Variants in PTPRR observed in about 807,000 individuals in gnomAD.
The protein encoded by PTPRR is receptor-type tyrosine-protein phosphatase R.
A neutral mutation model predicts 77.2 loss-of-function variants in PTPRR; 38 were observed. That is an observed-to-expected ratio of 0.49 (90% CI 0.38 to 0.65). The LOEUF is 0.65. PTPRR is among the 30% of genes least tolerant of loss of function. The probability of loss-of-function intolerance (pLI) is 0.00; values close to 1 mark genes in which losing one functional copy is unlikely to be tolerated. For missense variants in PTPRR, 744 were observed against 799.2 expected (o/e 0.93, Z 0.83); for synonymous variants, 299 against 283.1 (o/e 1.06, Z -0.57).
At chr12:70,849,237 T>G (rs1892534851) in intron 2 of PTPRR, among the ~76,000 whole-genome samples, 1 of 151,704 alleles carries the variant, frequency 6.6e-6, no homozygotes, top group South Asian at 2.1e-4. Flanking sequence ...GAGATAAATT[T>G]CTTAGCAAAA....
At chr12:70,896,134 G>C (rs1893423701) in intron 1 of PTPRR, among the ~76,000 whole-genome samples, 1 of 151,472 alleles carries the variant, frequency 6.6e-6, no homozygotes, top group Admixed American at 6.6e-5. Flanking sequence ...AGGATAAAGA[G>C]GGACATTACA....
intron 2 of PTPRR, among the ~76,000 whole-genome samples, chr12:70,826,443 C>T (rs991355639): frequency 6.6e-6 from 1 of 152,132 alleles, no homozygotes. Flanking sequence ...TGCTCCCAAC[C>T]CCTTCTGGGA....
chr12:70,761,647 G>A (rs1334066820), intron 3 of PTPRR, 21 bp from the exon 4 acceptor site: 5 of 1,526,816 alleles, frequency 3.3e-6, no homozygotes, highest in East Asian at 2.3e-5. Context: ...CAGAATATTT[G>A]TATTTGTTAT....
chr12:70,873,122 G>A (rs922689193), intron 2 of PTPRR, among the ~76,000 whole-genome samples: 13 of 152,134 alleles, frequency 8.5e-5, no homozygotes, highest in African/African-American at 3.1e-4. Context: ...ATTTCTTGGG[G>A]CTATCCACAA....
chr12:70,822,710 A>G (rs1333900458), intron 2 of PTPRR, among the ~76,000 whole-genome samples: 2 of 152,190 alleles, frequency 1.3e-5, no homozygotes, highest in African/African-American at 2.4e-5. Context: ...CATCAATATC[A>G]AGGCAGGGTT....
intron 6 of PTPRR, among the ~76,000 whole-genome samples, chr12:70,714,470 A>G (rs1888946012): frequency 1.3e-5 from 2 of 152,182 alleles, no homozygotes; most frequent in African/African-American, 2.4e-5. Context: ...ATAAAATTTC[A>G]TATAGTTTTG....
intron 7 of PTPRR, among the ~76,000 whole-genome samples, chr12:70,699,423 CAG>C (rs1348444814): frequency 6.6e-6 from 1 of 152,028 alleles, no homozygotes; most frequent in Non-Finnish European, 1.5e-5. Context: ...GCTTGTTCTA[CAG>C]AGAGAAACAG....
intron 12 of PTPRR, 59 bp downstream of exon 12, chr12:70,660,881 T>A: frequency 6.6e-7 from 1 of 1,511,152 alleles, no homozygotes; most frequent in Non-Finnish European, 8.9e-7. Context: ...TTGCACCTGC[T>A]CTGTGACTTT....
chr12:70,868,745 G>T (rs1892905964), intron 2 of PTPRR, among the ~76,000 whole-genome samples: 2 of 151,976 alleles, frequency 1.3e-5, no homozygotes, highest in South Asian at 2.1e-4. Flanking sequence ...CATGTATGTT[G>T]ATTGCAGCAC....
chr12:70,660,795 C>G (rs1459369276), intron 12 of PTPRR, 145 bp downstream of exon 12: 6 of 826,982 alleles, frequency 7.3e-6, no homozygotes, highest in Admixed American at 3.3e-5. Flanking sequence ...GATTCAGACT[C>G]AAATATTACA....
At position 70,864,956 on chromosome 12, in the gene PTPRR, C is replaced by T. The variant is rs191030286; in HGVS notation, c.357+27723G>A. 6.6e-3 allele frequency among the ~76,000 whole-genome samples: 999 copies of T among 152,066 alleles called. 4 individuals are homozygous for T. The highest frequency in any genetic ancestry group is 0.024 in the Middle Eastern group (7 of 294). On this transcript the variant is annotated intron_variant, in intron 2 of 13. Coordinates refer to ENST00000283228, the MANE Select transcript of PTPRR (RefSeq NM_002849.4). The stretch of plus-strand genomic sequence containing the variant: ...CCTCCTGAGTAGCTGGGATTACAGG[C>T]GTGCGTCACCACACCTGGCTAATTT...
intron 2 of PTPRR, among the ~76,000 whole-genome samples, chr12:70,809,970 T>C (rs1359726180): frequency 6.6e-6 from 1 of 152,170 alleles, no homozygotes; most frequent in Non-Finnish European, 1.5e-5. Flanking sequence ...CCACCTTATT[T>C]AGATGGACTT....
At chr12:70,913,855 A>C (rs1308568957) in intron 1 of PTPRR, among the ~76,000 whole-genome samples, 2 of 152,244 alleles carry the variant, frequency 1.3e-5, no homozygotes, top group Non-Finnish European at 2.9e-5. Context: ...AAATATATTT[A>C]ATATATGTAT....
chr12:70,662,656 A>T (rs375036764), intron 10 of PTPRR, 51 bp from the exon 11 acceptor site: 1 of 1,070,934 alleles, frequency 9.3e-7, no homozygotes, highest in Non-Finnish European at 1.4e-6. Flanking sequence ...TTTATTAGCC[A>T]TGGAGTACTT....
chr12:70,910,814 T>C (rs1893688578), intron 1 of PTPRR, among the ~76,000 whole-genome samples: 1 of 152,206 alleles, frequency 6.6e-6, no homozygotes, highest in Admixed American at 6.5e-5. Flanking sequence ...TCATGTGAAT[T>C]GCCCTAGTGA....
intron 6 of PTPRR, among the ~76,000 whole-genome samples, chr12:70,713,794 C>A (rs951353279): frequency 3.3e-5 from 5 of 152,050 alleles, no homozygotes; most frequent in African/African-American, 7.2e-5. Flanking sequence ...GGACACTAGA[C>A]CCTTATTACA....
intron 2 of PTPRR, among the ~76,000 whole-genome samples, chr12:70,871,132 T>A (rs1215574303): frequency 6.6e-6 from 1 of 152,194 alleles, no homozygotes; most frequent in Non-Finnish European, 1.5e-5. Context: ...TAGGCTCTGC[T>A]TGAGGGTGCT....
chr12:70,907,520 G>C (rs2137133077), intron 1 of PTPRR, among the ~76,000 whole-genome samples: 1 of 152,234 alleles, frequency 6.6e-6, no homozygotes, highest in East Asian at 1.9e-4. Flanking sequence ...TCCATTGTCT[G>C]CTATTTGCTG....
intron 10 of PTPRR, among the ~76,000 whole-genome samples, chr12:70,667,877 C>T (rs1253713572): frequency 6.6e-6 from 1 of 151,892 alleles, no homozygotes; most frequent in East Asian, 1.9e-4. Context: ...TTGGTTTGCT[C>T]GTTTCTTTTC....
Sources: gnomAD v4.1 joint callset for allele counts (sites outside exome capture counted in the v4.1 genomes callset) on GRCh38, gnomAD v4.1.1 for gene constraint, MANE v1.5 for transcripts, NCBI Gene and HGNC (gene_info 2026-07-23, HGNC 2026-07-21) for gene names.